MYLK: variants seen among roughly 807,000 people sequenced by gnomAD.
The protein encoded by MYLK is myosin light chain kinase, smooth muscle.
A neutral mutation model predicts 203.4 loss-of-function variants in MYLK; 106 were observed. The ratio of observed to expected loss-of-function variants is 0.52; its 90% CI spans 0.45 to 0.61. The LOEUF is 0.61. Among genes scored for constraint, MYLK ranks in the 20% least tolerant of loss-of-function variants. MYLK has a pLI of 0.00. For synonymous variants in MYLK, 867 were observed against 959.5 expected, an observed-to-expected ratio of 0.90 and a Z score of 1.78; for missense variants, 2,072 against 2,442.3, an observed-to-expected ratio of 0.85 and a Z score of 3.20.
At chr3:123,749,069 A>G (rs989237962) in intron 5 of MYLK, among the ~76,000 whole-genome samples, 2 of 134,940 alleles carry the variant, frequency 1.5e-5, no homozygotes, top group African/African-American at 5.7e-5. Flanking sequence ...ACCCTGTCTC[A>G]GAAAAATACA....
rs569163955 is a variant in MYLK, at chr3:123,741,219, T to C, written c.374-1218A>G. On this transcript the variant is annotated intron_variant, in intron 5 of 33. Coordinates refer to ENST00000360304, the MANE Select transcript of MYLK (RefSeq NM_053025.4). ...ACATTTATATGACTGTGTAAGAACATAGGTGTGGAGGAGAAAAATCATGGC... is the reference window on the plus strand; with the variant it reads ...ACATTTATATGACTGTGTAAGAACACAGGTGTGGAGGAGAAAAATCATGGC... 5.3e-5 allele frequency among the ~76,000 whole-genome samples: 8 copies of C among 152,278 alleles called. No homozygotes were observed. In the South Asian group the frequency reaches 1.2e-3, roughly 24 times the overall value.
chr3:123,811,789 C>T (rs2065570309), intron 3 of MYLK, among the ~76,000 whole-genome samples: 1 of 152,162 alleles, frequency 6.6e-6, no homozygotes, highest in Admixed American at 6.5e-5. Flanking sequence ...TTTAGGTAAG[C>T]TTCTACCTGG....
At chr3:123,820,671 C>T (rs1348342499) in intron 3 of MYLK, among the ~76,000 whole-genome samples, 1 of 150,036 alleles carries the variant, frequency 6.7e-6, no homozygotes, top group African/African-American at 2.5e-5. Flanking sequence ...TCCCTCCTTC[C>T]TTCCTTCCTT....
At chr3:123,793,894 C>T (rs1307419960) in intron 3 of MYLK, 50 bp from the exon 4 acceptor site, 2 of 1,603,422 alleles carry the variant, frequency 1.2e-6, no homozygotes, top group East Asian at 2.2e-5. Flanking sequence ...AAGCACAGCC[C>T]TGTCTTCCCT....
intron 4 of MYLK, among the ~76,000 whole-genome samples, chr3:123,769,393 T>G (rs887255249): frequency 1.6e-4 from 24 of 152,230 alleles, no homozygotes; most frequent in Non-Finnish European, 3.2e-4. Flanking sequence ...TTTCTATTCA[T>G]TCCAGGTATA....
rs771547173 is a variant in MYLK at position 123,733,963 on chromosome 3, T to C, written c.1033A>G (p.Ile345Val). The C allele has an allele frequency of 1.9e-6, 3 of 1,614,046 alleles. No homozygotes were observed. In the East Asian group the frequency reaches 6.7e-5, roughly 36 times the overall value. ...TGAACTCTTGCGGCCTGCAGGGTGA[T>C]GGAGCTGGAAGTCTTCTGAAGGACC... The part of the protein sequence containing the change: ...TPVLQKTSSS[I>V]TLQAARVQPE... Residue 345 changes from isoleucine (I) to valine (V), a missense_variant, in exon 10 of 34, where the codon ATC becomes GTC. Around this residue, in one of 3 missense-constraint regions of MYLK, gnomAD observed 683 missense variants for 643.8 expected, o/e 1.06. Coordinates refer to ENST00000360304, the MANE Select transcript of MYLK (RefSeq NM_053025.4).
intron 5 of MYLK, among the ~76,000 whole-genome samples, chr3:123,749,082 C>CATACAT (rs2063112961): frequency 7.1e-6 from 1 of 141,424 alleles, no homozygotes; most frequent in African/African-American, 3.0e-5. Flanking sequence ...AAAATACATA[C>CATACAT]ATACATACAT....
chr3:123,799,501 C>T (rs963522401), intron 3 of MYLK, among the ~76,000 whole-genome samples: 4 of 152,158 alleles, frequency 2.6e-5, no homozygotes, highest in Non-Finnish European at 5.9e-5. Flanking sequence ...TGATCATTGT[C>T]TTGAAGCACC....
intron 4 of MYLK, among the ~76,000 whole-genome samples, chr3:123,781,942 T>C (rs1470838943): frequency 6.6e-6 from 1 of 152,138 alleles, no homozygotes; most frequent in Non-Finnish European, 1.5e-5. Flanking sequence ...ACAGACTGAA[T>C]AAATAATCTC....
intron 9 of MYLK, 186 bp downstream of exon 9, chr3:123,735,212 A>G (rs2062632032): frequency 1.3e-6 from 1 of 777,118 alleles, no homozygotes; most frequent in East Asian, 2.6e-5. Context: ...CAGCAACCTG[A>G]GATAGAACCC....
intron 12 of MYLK, among the ~76,000 whole-genome samples, chr3:123,723,874 C>G (rs1024471395): frequency 1.3e-5 from 2 of 152,060 alleles, no homozygotes; most frequent in African/African-American, 4.8e-5. Flanking sequence ...TTTTGTAGCG[C>G]CTGCAAGCTA....
chr3:123,653,993 T>TGG (rs1371856442), intron 24 of MYLK, among the ~76,000 whole-genome samples: 2 of 131,652 alleles, frequency 1.5e-5, no homozygotes, highest in Non-Finnish European at 3.2e-5. Flanking sequence ...ATGTTGTGTG[T>TGG]GTGTGTGTGT....
chr3:123,740,718 G>GC (rs1297564593), intron 5 of MYLK, among the ~76,000 whole-genome samples: 1 of 152,184 alleles, frequency 6.6e-6, no homozygotes, highest in Non-Finnish European at 1.5e-5. Flanking sequence ...GCAAGGCGCT[G>GC]CTATGCTAGA....
At chr3:123,651,796 C>T (rs921553086) in intron 24 of MYLK, among the ~76,000 whole-genome samples, 3 of 152,256 alleles carry the variant, frequency 2.0e-5, no homozygotes, top group African/African-American at 7.2e-5. Flanking sequence ...CATGAGCCCA[C>T]ATCCATGCCT....
intron 2 of MYLK, among the ~76,000 whole-genome samples, chr3:123,841,804 G>A (rs1351935064): frequency 6.6e-6 from 1 of 152,120 alleles, no homozygotes; most frequent in Non-Finnish European, 1.5e-5. Context: ...AGAGTGTCAG[G>A]AAGATATAAC....
intron 16 of MYLK, among the ~76,000 whole-genome samples, chr3:123,706,693 G>A (rs2061473600): frequency 6.6e-6 from 1 of 151,986 alleles, no homozygotes; most frequent in African/African-American, 2.4e-5. Context: ...GCTACCCAAT[G>A]TCGACTATGG....
intron 4 of MYLK, among the ~76,000 whole-genome samples, chr3:123,781,086 G>A (rs1421741167): frequency 1.3e-5 from 2 of 152,172 alleles, no homozygotes; most frequent in Non-Finnish European, 2.9e-5. Context: ...GGCAAATCCC[G>A]GGACCTGCTC....
intron 33 of MYLK, chr3:123,617,476 C>T (rs920316104): frequency 7.9e-5 from 12 of 152,110 alleles, no homozygotes; most frequent in Admixed American, 5.2e-4. Context: ...CTATGGTAGG[C>T]GAAGCATTGA....
intron 23 of MYLK, among the ~76,000 whole-genome samples, chr3:123,659,243 T>C (rs1000164877): frequency 6.6e-6 from 1 of 152,148 alleles, no homozygotes; most frequent in South Asian, 2.1e-4. Flanking sequence ...CTGGAGACCA[T>C]GTGATTGGCC....
Sources: allele counts gnomAD v4.1 joint callset (sites outside exome capture counted in the v4.1 genomes callset), GRCh38; gene constraint gnomAD v4.1.1; regional missense constraint gnomAD v4.1.1; transcripts MANE v1.5; gene names NCBI Gene and HGNC (gene_info 2026-07-23, HGNC 2026-07-21).